The following DPY19L1 variants were observed in gnomAD, a reference collection of about 807,000 sequenced individuals.
The protein encoded by DPY19L1 is protein C-mannosyl-transferase DPY19L1.
DPY19L1 carries 35 observed loss-of-function variants against 96.9 expected under a neutral mutation model. The observed-to-expected ratio is 0.36, with a 90% CI of 0.28 to 0.48. The LOEUF (loss-of-function observed/expected upper bound fraction) is 0.48, where lower values mean the gene tolerates loss of function less well. Among genes scored for constraint, DPY19L1 ranks in the 20% least tolerant of loss-of-function variants. The pLI, the probability that DPY19L1 is intolerant of heterozygous loss-of-function variation, is 0.99. For synonymous variants in DPY19L1, 205 were observed against 252.6 expected (o/e 0.81, Z 1.79); for missense variants, 521 against 777.9 (o/e 0.67, Z 3.93).
In DPY19L1 at chr7:34,969,343, C is replaced by T. The variant is rs1784677261; in HGVS notation, c.1014+90G>A. ...GTTTTAGTGTTTTAGGACTTAGAAC[C>T]ATAGAATATCTCAGTTGTAATTTTA... On this transcript the variant is annotated intron_variant, in intron 9 of 21. Transcript: ENST00000638088. 4 of 640,886 alleles carry T rather than the reference C, an allele frequency of 6.2e-6. No homozygotes were observed. In the South Asian group the frequency reaches 2.3e-4, roughly 36 times the overall value. 39.7% of individuals were successfully genotyped at this position (640,886 alleles called of 1,614,324 possible).
chr7:34,929,057 T>G lies in DPY19L1; in HGVS notation c.*2516A>C, dbSNP rs1232475375. 6.6e-6 allele frequency: 1 copy of G among 152,374 alleles called. No homozygotes were observed. The highest frequency in any genetic ancestry group is 2.4e-5 in the African/African-American group (1 of 41,588). The allele number at this position is 152,374 out of a possible 1,614,324, so 9.4% of individuals were successfully genotyped here. On this transcript the variant is annotated 3_prime_UTR_variant, in exon 22 of 22. Coordinates refer to ENST00000638088, the MANE Select transcript of DPY19L1 (RefSeq NM_001366673.1). ...CTATATTTTTTTTGCCAAGCATTTT[T>G]AGAGGCTTATCTTTTTAAAGAAATA...
At position 34,958,048 on chromosome 7, in the gene DPY19L1, A is replaced by G. The variant is rs768481531; in HGVS notation, c.1115T>C (p.Val372Ala). Residue 372 changes from valine (V) to alanine (A), a missense_variant, in exon 11 of 22, where the codon GTT (valine) becomes GCT (alanine). Transcript: ENST00000638088. ...TAACATTGAGTTCCCAAACATCAAA[A>G]CAAAACAAAGTGCAAGAGAAATCTG... is the stretch of plus-strand genomic sequence containing the variant. ...IHMISLALCF[V>A]LMFGNSMLLT... 1.3e-6 allele frequency: 2 copies of G among 1,586,334 alleles called. No homozygotes were observed. The highest frequency in any genetic ancestry group is 2.4e-5 in the South Asian group (2 of 84,740).
intron 6 of DPY19L1, chr7:35,000,666 T>A (rs1054195330): frequency 3.3e-5 from 5 of 152,170 alleles, no homozygotes; most frequent in African/African-American, 1.2e-4. Context: ...AAATATCAGC[T>A]GAAGAACAGC....
chr7:34,949,799 CT>C lies in DPY19L1; in HGVS notation c.1419del (p.Glu474ArgfsTer4). 2.5e-6 allele frequency: 4 copies of C among 1,585,212 alleles called. No individual in the cohort carries two copies. Among genetic ancestry groups the C allele is most frequent in the Admixed American group, 1.7e-5 (1 of 57,578 alleles). ...TCAAEFDFME[K>X]ETPLRYTKTL... ...CAGAACTAGAAATCACATCTTACCT[CT>C]TTTTCCATAAAGTCAAACTCCGCTG... On this transcript the variant is annotated frameshift_variant, in exon 14 of 22. Coordinates refer to ENST00000638088, the MANE Select transcript of DPY19L1 (RefSeq NM_001366673.1). LOFTEE classifies it high-confidence loss of function.
intron 10 of DPY19L1, among the ~76,000 whole-genome samples, chr7:34,959,925 T>TATAAATATATATATTTA (rs1562806987): frequency 7.8e-6 from 1 of 127,950 alleles, no homozygotes; most frequent in African/African-American, 2.8e-5. Flanking sequence ...ATATATATAT[T>TATAAATATATATATTTA]TATATATATA....
intron 10 of DPY19L1, among the ~76,000 whole-genome samples, chr7:34,961,135 C>A (rs2128787982): frequency 6.6e-6 from 1 of 152,256 alleles, no homozygotes; most frequent in East Asian, 1.9e-4. Context: ...TAGCAAGTTA[C>A]CAATAAAGTG....
chr7:34,963,696 T>C (rs1562808444), intron 10 of DPY19L1, among the ~76,000 whole-genome samples: 1 of 144,384 alleles, frequency 6.9e-6, no homozygotes, highest in Non-Finnish European at 1.5e-5. Flanking sequence ...ATAAGCAGAA[T>C]CGTGTGTGTG....
intron 10 of DPY19L1, among the ~76,000 whole-genome samples, chr7:34,962,229 C>T (rs1022861060): frequency 4.6e-5 from 7 of 152,160 alleles, no homozygotes; most frequent in East Asian, 1.9e-4. Context: ...AACAGTGGTA[C>T]ATCCATATAA....
At chr7:35,030,693 C>A (rs1446182647) in intron 1 of DPY19L1, among the ~76,000 whole-genome samples, 1 of 151,978 alleles carries the variant, frequency 6.6e-6, no homozygotes, top group African/African-American at 2.4e-5. Context: ...AGTGAGAATG[C>A]TGAGAAAATA....
At chr7:34,993,261 A>T (rs1239398699) in intron 6 of DPY19L1, among the ~76,000 whole-genome samples, 2 of 152,180 alleles carry the variant, frequency 1.3e-5, no homozygotes, top group Non-Finnish European at 2.9e-5. Context: ...CTAATATTAT[A>T]AATTGCATTT....
At chr7:35,036,938 GAA>G (rs776507556) in intron 1 of DPY19L1, among the ~76,000 whole-genome samples, 157 bp downstream of exon 1, 2 of 144,752 alleles carry the variant, frequency 1.4e-5, no homozygotes, top group East Asian at 4.4e-4. Flanking sequence ...ATGTCCCAGA[GAA>G]AAAGTCGGAG....
At chr7:35,026,519 T>C (rs779692592) in intron 1 of DPY19L1, among the ~76,000 whole-genome samples, 61 of 152,178 alleles carry the variant, frequency 4.0e-4, no homozygotes, top group Non-Finnish European at 7.2e-4. Context: ...CCTGATTCAA[T>C]AGATCTCACT....
intron 1 of DPY19L1, among the ~76,000 whole-genome samples, chr7:35,021,631 G>C (rs555880988): frequency 6.6e-6 from 1 of 152,248 alleles, no homozygotes; most frequent in South Asian, 2.1e-4. Context: ...ACAGTATACA[G>C]ACTAGAAGTT....
At chr7:34,976,416 G>A (rs1784831737) in intron 7 of DPY19L1, among the ~76,000 whole-genome samples, 1 of 152,306 alleles carries the variant, frequency 6.6e-6, no homozygotes, top group East Asian at 1.9e-4. Flanking sequence ...TCTTAAATGA[G>A]CAAAAGGAGT....
In DPY19L1 at chr7:35,025,030, G is replaced by C. The variant is rs527497209; in HGVS notation, c.299-6434C>G. 1.8e-3 allele frequency among the ~76,000 whole-genome samples: 270 copies of C among 152,276 alleles called. 1 individual carries two copies. Among genetic ancestry groups the C allele is most frequent in the Non-Finnish European group, 3.1e-3 (211 of 68,020 alleles). ...ACTTTCTCAACAATCCAAATTATTT[G>C]AAGCATTCCCATTACATGAAGGTAA... On this transcript the variant is annotated intron_variant, in intron 1 of 21. Coordinates refer to ENST00000638088, the MANE Select transcript of DPY19L1 (RefSeq NM_001366673.1).
intron 6 of DPY19L1, among the ~76,000 whole-genome samples, chr7:34,999,457 T>C (rs1464226172): frequency 6.6e-6 from 1 of 152,218 alleles, no homozygotes; most frequent in African/African-American, 2.4e-5. Context: ...TACCTGAGGA[T>C]ATGATCCTCA....
chr7:35,032,846 C>T (rs1218137835), intron 1 of DPY19L1, among the ~76,000 whole-genome samples: 1 of 151,968 alleles, frequency 6.6e-6, no homozygotes. Flanking sequence ...ATTCATAAGT[C>T]CTATCATTTT....
chr7:34,963,127 G>A (rs1158649766), intron 10 of DPY19L1, among the ~76,000 whole-genome samples: 5 of 150,568 alleles, frequency 3.3e-5, no homozygotes, highest in Admixed American at 1.3e-4. Context: ...CCCGGGAGGC[G>A]GAGGTTGCAG....
intron 1 of DPY19L1, among the ~76,000 whole-genome samples, chr7:35,032,840 A>G (rs1258697786): frequency 6.6e-6 from 1 of 152,006 alleles, no homozygotes; most frequent in African/African-American, 2.4e-5. Context: ...AGCCCAATTC[A>G]TAAGTCCTAT....
Sources: gnomAD v4.1 joint callset for allele counts (sites outside exome capture counted in the v4.1 genomes callset) on GRCh38, gnomAD v4.1.1 for gene constraint, MANE v1.5 for transcripts, NCBI Gene and HGNC (gene_info 2026-07-23, HGNC 2026-07-21) for gene names.